The following PRKAR1B variants were observed in gnomAD, a reference collection of about 807,000 sequenced individuals.
The protein encoded by PRKAR1B is cAMP-dependent protein kinase type I-beta regulatory subunit.
A neutral mutation model predicts 46.5 loss-of-function variants in PRKAR1B; 22 were observed. The ratio of observed to expected loss-of-function variants is 0.47; its 90% confidence interval spans 0.34 to 0.68. The LOEUF is 0.68. Among genes scored for constraint, PRKAR1B ranks in the 30% least tolerant of loss-of-function variants. The probability of loss-of-function intolerance (pLI) is 0.01; values close to 1 mark genes in which losing one functional copy is unlikely to be tolerated. For synonymous variants in PRKAR1B, 259 were observed against 217.7 expected (o/e 1.19, Z -1.67); for missense variants, 445 against 535.6 (o/e 0.83, Z 1.67).
chr7:690,512 T>A (rs372896646), intron 2 of PRKAR1B, among the ~76,000 whole-genome samples: 1,675 of 152,192 alleles, frequency 0.011, 17 homozygotes, highest in Non-Finnish European at 0.018. Flanking sequence ...CAACAACAAA[T>A]TTCAAGTGCT....
chr7:567,421 CCAT>C lies in PRKAR1B; in HGVS notation c.891+11832_891+11834del, dbSNP rs538732396. ...ATCACCATCACCTCCATCATCATCA[CCAT>C]CATCACCATCATCATCACCATCACC... On this transcript the variant is annotated intron_variant, in intron 9 of 10. Transcript: ENST00000537384. 1.0e-4 allele frequency among the ~76,000 whole-genome samples: 14 copies of C among 138,760 alleles called. No homozygotes were observed. The South Asian group carries it at 1.4e-3, about 14-fold the overall frequency. The allele number at this position is 138,760 out of a possible 152,430, so 91.0% of individuals were successfully genotyped here. A position where few individuals can be genotyped will look rare whatever the true frequency, so the allele number is the denominator to read the frequency against.
Position 667,189 on chromosome 7 carries a change from T to C in PRKAR1B, c.440+10040A>G, listed in dbSNP as rs1467036342. On this transcript the variant is annotated intron_variant, in intron 4 of 10. Coordinates refer to ENST00000537384, the MANE Select transcript of PRKAR1B (RefSeq NM_001164760.2). The surrounding 1 kb of genome is among the most constrained non-coding windows in gnomAD (Gnocchi z 4.3). ...GTGATGATGACAGTGATGATGGTGA[T>C]GGTGGGGATGGTGATGATGGTAATG... 2.0e-5 allele frequency among the ~76,000 whole-genome samples: 3 copies of C among 152,042 alleles called. No individual in the cohort carries two copies. The highest frequency in any genetic ancestry group is 4.4e-5 in the Non-Finnish European group (3 of 68,018).
chr7:664,392 G>A (rs1785788532), intron 4 of PRKAR1B, among the ~76,000 whole-genome samples: 2 of 152,190 alleles, frequency 1.3e-5, no homozygotes, highest in Non-Finnish European at 2.9e-5. Flanking sequence ...CCCTCCATCT[G>A]AAGGACAGCC....
intron 6 of PRKAR1B, among the ~76,000 whole-genome samples, chr7:605,427 TA>T (rs1781966040): frequency 6.6e-6 from 1 of 152,196 alleles, no homozygotes; most frequent in Admixed American, 6.5e-5. Flanking sequence ...ACCCAGGCTC[TA>T]AACCGGACGG....
chr7:570,570 C>T (rs978708237), intron 9 of PRKAR1B, among the ~76,000 whole-genome samples: 1 of 152,276 alleles, frequency 6.6e-6, no homozygotes, highest in African/African-American at 2.4e-5. Flanking sequence ...CCCGCCGTCC[C>T]CTCAGGGTGA....
At chr7:691,425 G>A (rs1779419015) in intron 2 of PRKAR1B, 2 of 1,175,564 alleles carry the variant, frequency 1.7e-6, no homozygotes, top group Non-Finnish European at 2.3e-6. Context: ...GTGCAGGAGG[G>A]TGGCTTTGAT....
At chr7:722,999 C>T (rs1186192778) in intron 1 of PRKAR1B, among the ~76,000 whole-genome samples, 2 of 152,200 alleles carry the variant, frequency 1.3e-5, no homozygotes, top group Non-Finnish European at 2.9e-5. Context: ...TCTCCTGGGA[C>T]TGCTGCTCAT....
At position 711,367 on chromosome 7, in the gene PRKAR1B, T is replaced by C. The variant is rs1780617979; in HGVS notation, c.139A>G (p.Met47Val). ...TCGAAGTGCTCCCGGAGGAACTTCA[T>C]GGGGCGTTCGGGCTTGGAGATGCAG... ...HLCISKPERP[M>V]KFLREHFEKL... Residue 47 changes from methionine to valine, a missense_variant, in exon 2 of 11, where the codon ATG becomes GTG. Transcript: ENST00000537384. 6.2e-7 allele frequency: 1 copy of C among 1,614,208 alleles called. No homozygotes were observed. Among genetic ancestry groups the C allele is most frequent in the Non-Finnish European group, 8.5e-7 (1 of 1,180,020 alleles).
Position 550,361 on chromosome 7 carries a change from C to T in PRKAR1B, c.*69G>A. ...CACACCTCACACAGCGGCTCCCGGG[C>T]CCCCGACACAGACGAGCAGGGCACG... On this transcript the variant is annotated 3_prime_UTR_variant, in exon 11 of 11. Transcript: ENST00000537384. The T allele has an allele frequency of 2.7e-6, 4 of 1,460,372 alleles. No homozygotes were observed. The highest frequency in any genetic ancestry group is 2.5e-5 in the East Asian group (1 of 40,244). 90.5% of individuals were successfully genotyped at this position (1,460,372 alleles called of 1,614,324 possible).
chr7:692,230 T>C (rs906131225), intron 2 of PRKAR1B, among the ~76,000 whole-genome samples: 1 of 152,156 alleles, frequency 6.6e-6, no homozygotes, highest in Non-Finnish European at 1.5e-5. Flanking sequence ...TGAAACCCCA[T>C]CTCTACTAAA....
intron 4 of PRKAR1B, among the ~76,000 whole-genome samples, chr7:613,749 C>T (rs1782652740): frequency 6.6e-6 from 1 of 152,242 alleles, no homozygotes; most frequent in African/African-American, 2.4e-5. Context: ...ACCATCAGCT[C>T]CTAGAAATGC....
chr7:715,508 GTTACCCA>G (rs1200647265), intron 1 of PRKAR1B, among the ~76,000 whole-genome samples: 2 of 152,066 alleles, frequency 1.3e-5, no homozygotes, highest in Non-Finnish European at 2.9e-5. Context: ...TGGTGACTGG[GTTACCCA>G]TTCAGAAGTC....
At chr7:709,288 G>C (rs1390475627) in intron 2 of PRKAR1B, among the ~76,000 whole-genome samples, 1 of 151,070 alleles carries the variant, frequency 6.6e-6, no homozygotes, top group Non-Finnish European at 1.5e-5. Flanking sequence ...CTGCAACTAA[G>C]ACTTATGTAC....
chr7:720,520 CTCTGCTATACCTTAATGACTA>C (rs1781036847), intron 1 of PRKAR1B, among the ~76,000 whole-genome samples: 1 of 152,162 alleles, frequency 6.6e-6, no homozygotes, highest in African/African-American at 2.4e-5. Context: ...GATGGTGTTG[CTCTGCTATACCTTAATGACTA>C]TCTGCCTAGT....
chr7:615,242 G>C (rs2128470591), intron 4 of PRKAR1B, among the ~76,000 whole-genome samples: 1 of 149,980 alleles, frequency 6.7e-6, no homozygotes, highest in South Asian at 2.1e-4. Context: ...TGGCTAACAT[G>C]GTGAAACCCC....
chr7:663,718 T>A lies in PRKAR1B; in HGVS notation c.440+13511A>T, dbSNP rs371136924. ...TGGCCACAGCTCTCCGTGTGTCAGATCCTCACCTGGAACTTGGGGACAGTG... is the reference window on the plus strand; with the variant it reads ...TGGCCACAGCTCTCCGTGTGTCAGAACCTCACCTGGAACTTGGGGACAGTG... On this transcript the variant is annotated intron_variant, in intron 4 of 10. Coordinates refer to ENST00000537384, the MANE Select transcript of PRKAR1B (RefSeq NM_001164760.2). 3.3e-5 allele frequency among the ~76,000 whole-genome samples: 5 copies of A among 152,190 alleles called. No homozygotes were observed. In the East Asian group the frequency reaches 7.8e-4, roughly 24 times the overall value.
chr7:588,453 ATGG>A (rs1554288252), intron 7 of PRKAR1B, among the ~76,000 whole-genome samples: 1 of 76,994 alleles, frequency 1.3e-5, no homozygotes, highest in African/African-American at 4.2e-5. Context: ...GGTGATGGTG[ATGG>A]TGATGGTGGT....
intron 7 of PRKAR1B, 118 bp downstream of exon 7, chr7:596,028 G>T: frequency 7.7e-7 from 1 of 1,304,168 alleles, no homozygotes; most frequent in Non-Finnish European, 1.0e-6. Flanking sequence ...AGATCTGTCA[G>T]GGAGGTTGGA....
rs1781338741 is a variant in PRKAR1B, at chr7:727,064, C to T, written c.-23+146G>A. ...GCCGCGCGGCCCCGCGATGCCCTGC[C>T]GCGCCTGCTGCCCGCGCTCGCCGCG... On this transcript the variant is annotated intron_variant, in intron 1 of 10. Transcript: ENST00000537384. 3 of 1,061,706 alleles carry T rather than the reference C, an allele frequency of 2.8e-6. No individual in the cohort carries two copies. The highest frequency in any genetic ancestry group is 1.7e-5 in the African/African-American group (1 of 58,568). 65.8% of individuals were successfully genotyped at this position (1,061,706 alleles called of 1,614,324 possible). A position where few individuals can be genotyped will look rare whatever the true frequency, so the allele number is the denominator to read the frequency against.
Sources: gnomAD v4.1 joint callset for allele counts (sites outside exome capture counted in the v4.1 genomes callset) on GRCh38, gnomAD v4.1.1 for gene constraint, Gnocchi (gnomAD v3.1) non-coding constraint, MANE v1.5 for transcripts, NCBI Gene and HGNC (gene_info 2026-07-23, HGNC 2026-07-21) for gene names.